The following MECOM variants were observed in gnomAD, a reference collection of about 807,000 sequenced individuals.
MECOM encodes the protein MDS1 and EVI1 complex locus, also known as histone-lysine N-methyltransferase MECOM.
In MECOM, 13 loss-of-function variants were observed where a neutral mutation model predicts 116.3. That is an observed-to-expected ratio of 0.11 (90% confidence interval 0.07 to 0.18). The LOEUF (loss-of-function observed/expected upper bound fraction) is 0.18. Among genes scored for constraint, MECOM ranks in the 10% least tolerant of loss-of-function variants. The pLI is 1.00. For synonymous variants in MECOM, 528 were observed against 535.2 expected (o/e 0.99, Z 0.19); for missense variants, 1,299 against 1,509.0 (o/e 0.86, Z 2.31).
intron 3 of MECOM, among the ~76,000 whole-genome samples, chr3:169,143,415 G>A (rs1258763365): frequency 6.6e-6 from 1 of 151,898 alleles, no homozygotes; most frequent in African/African-American, 2.4e-5. Flanking sequence ...AAAACTGAAC[G>A]GTAGGCAGTA....
chr3:169,519,567 C>T lies in MECOM; in HGVS notation c.38-138043G>A, dbSNP rs146189066. On this transcript the variant is annotated intron_variant, in intron 1 of 16. Transcript: ENST00000651503. ...TGTGGTTTGTACTATGTAAAATGCC[C>T]AATTCAGTATCTGGCTCTTGGCAAA... 8.5e-3 allele frequency among the ~76,000 whole-genome samples: 1,294 copies of T among 152,296 alleles called. 7 individuals carry two copies. The highest frequency in any genetic ancestry group is 0.017 in the Middle Eastern group (5 of 294).
chr3:169,494,188 TCA>T (rs1226709055), intron 1 of MECOM, among the ~76,000 whole-genome samples: 2 of 152,172 alleles, frequency 1.3e-5, no homozygotes, highest in Non-Finnish European at 2.9e-5. Flanking sequence ...GGGGACAATC[TCA>T]GTTTTTATTA....
At chr3:169,269,212 AG>A (rs1434654818) in intron 2 of MECOM, 1 of 152,222 alleles carries the variant, frequency 6.6e-6, no homozygotes, top group Admixed American at 6.6e-5. Context: ...TAATACACTG[AG>A]GCATGGAGAC....
rs1018936950 is a variant in MECOM, at chr3:169,130,503, T to C, written c.613+926A>G. 4.3e-5 allele frequency among the ~76,000 whole-genome samples: 5 copies of C among 116,058 alleles called. No individual in the cohort carries two copies. The Admixed American group carries it at 6.1e-4, about 14-fold the overall frequency. 76.1% of individuals were successfully genotyped at this position (116,058 alleles called of 152,430 possible). A position where few individuals can be genotyped will look rare whatever the true frequency, so the allele number is the denominator to read the frequency against. On this transcript the variant is annotated intron_variant, in intron 4 of 16. Coordinates refer to ENST00000651503, the MANE Select transcript of MECOM (RefSeq NM_004991.4). ...CCCCTCCCCCTGCAAATACAACTACTCTTGTATAACCTACAAAGAGGCAGA... is the reference window on the plus strand; with the variant it reads ...CCCCTCCCCCTGCAAATACAACTACCCTTGTATAACCTACAAAGAGGCAGA...
At chr3:169,185,785 C>CATCT (rs769057014) in intron 2 of MECOM, among the ~76,000 whole-genome samples, 3 of 152,174 alleles carry the variant, frequency 2.0e-5, no homozygotes, top group Non-Finnish European at 4.4e-5. Context: ...GTCTAACAAG[C>CATCT]ATCTAATGCC....
intron 1 of MECOM, among the ~76,000 whole-genome samples, chr3:169,594,703 G>T (rs1271617919): frequency 6.6e-6 from 1 of 151,422 alleles, no homozygotes; most frequent in African/African-American, 2.4e-5. Flanking sequence ...CCATCTGCAG[G>T]CATTTCACAC....
chr3:169,518,367 C>T (rs773560588), intron 1 of MECOM, among the ~76,000 whole-genome samples: 1 of 152,056 alleles, frequency 6.6e-6, no homozygotes, highest in Non-Finnish European at 1.5e-5. Context: ...AATAAGATGT[C>T]GGCTAGCCAA....
At chr3:169,169,202 A>T (rs1007093552) in intron 2 of MECOM, among the ~76,000 whole-genome samples, 4 of 152,146 alleles carry the variant, frequency 2.6e-5, no homozygotes, top group African/African-American at 9.7e-5. Context: ...CATTTAGTGT[A>T]GGGAAAATAA....
chr3:169,436,818 T>G (rs981003583), intron 1 of MECOM, among the ~76,000 whole-genome samples: 5 of 152,292 alleles, frequency 3.3e-5, no homozygotes, highest in Admixed American at 6.5e-5. Flanking sequence ...TAAAAATTTT[T>G]GGAAATTTTT....
chr3:169,268,279 A>T lies in MECOM; in HGVS notation c.375+112908T>A, dbSNP rs75979918. On this transcript the variant is annotated intron_variant, in intron 2 of 16. Coordinates refer to ENST00000651503, the MANE Select transcript of MECOM (RefSeq NM_004991.4). The stretch of plus-strand genomic sequence containing the variant: ...TAATATTTAACCAACCTAAACACTC[A>T]GGGGAAAAATGTTATCTGAAATCCA... Among the ~76,000 whole-genome samples the T allele has an allele frequency of 5.4e-3, 827 of 152,286 alleles. 9 individuals are homozygous for T. Among genetic ancestry groups the T allele is most frequent in the African/African-American group, 0.019 (773 of 41,564 alleles).
chr3:169,367,208 C>T (rs1043646562), intron 2 of MECOM, among the ~76,000 whole-genome samples: 2 of 152,062 alleles, frequency 1.3e-5, no homozygotes, highest in Non-Finnish European at 2.9e-5. Context: ...CTGAAAGCAG[C>T]ACCTGCTGGA....
intron 2 of MECOM, among the ~76,000 whole-genome samples, chr3:169,258,233 G>GAAAGAA (rs71300480): frequency 0.094 from 14,265 of 151,688 alleles, 877 homozygotes; most frequent in Non-Finnish European, 0.13. Flanking sequence ...AAAAGGAAAA[G>GAAAGAA]AAAGAAAAAG....
chr3:169,093,782 A>C (rs1012587329), intron 13 of MECOM, among the ~76,000 whole-genome samples: 1 of 152,166 alleles, frequency 6.6e-6, no homozygotes, highest in African/African-American at 2.4e-5. Context: ...ACACTTAAGC[A>C]CTTTATATGT....
At position 169,261,236 on chromosome 3, in the gene MECOM, A is replaced by G. The variant is rs146091182; in HGVS notation, c.376-117404T>C. Reference sequence around the variant, plus strand: ...TAAAAATATTTTTTTCTTTATTAATACATCTAAATTATTTTTCTTTAGTTT... The same window carrying G: ...TAAAAATATTTTTTTCTTTATTAATGCATCTAAATTATTTTTCTTTAGTTT... On this transcript the variant is annotated intron_variant, in intron 2 of 16. Transcript: ENST00000651503. Among the ~76,000 whole-genome samples, 220 of 152,306 alleles carry G rather than the reference A, an allele frequency of 1.4e-3. 1 individual carries two copies. Among genetic ancestry groups the G allele is most frequent in the African/African-American group, 5.2e-3 (215 of 41,566 alleles).
At chr3:169,090,334 T>C in intron 14 of MECOM, 98 bp from the exon 15 acceptor site, 2 of 1,046,214 alleles carry the variant, frequency 1.9e-6, no homozygotes, top group South Asian at 3.2e-5. Context: ...GTTTAGATTT[T>C]CAACACTTAA....
At chr3:169,378,460 A>AGAAAGAAG (rs1731591866) in intron 2 of MECOM, among the ~76,000 whole-genome samples, 3 of 45,862 alleles carry the variant, frequency 6.5e-5, no homozygotes, top group Non-Finnish European at 7.5e-5. Context: ...AAGGAAAGCA[A>AGAAAGAAG]GCAAGCAAGC....
At chr3:169,237,389 G>T (rs1480572443) in intron 2 of MECOM, among the ~76,000 whole-genome samples, 2 of 152,082 alleles carry the variant, frequency 1.3e-5, no homozygotes, top group African/African-American at 4.8e-5. Context: ...CTCAGATAAA[G>T]ATTGTGTAAC....
At chr3:169,346,897 T>C (rs1725457580) in intron 2 of MECOM, among the ~76,000 whole-genome samples, 1 of 152,162 alleles carries the variant, frequency 6.6e-6, no homozygotes, top group South Asian at 2.1e-4. Context: ...TTTTGCTCCA[T>C]GTACAGTTAT....
intron 1 of MECOM, among the ~76,000 whole-genome samples, chr3:169,617,853 C>T (rs1034575252): frequency 6.6e-6 from 1 of 152,196 alleles, no homozygotes; most frequent in Admixed American, 6.5e-5. Context: ...AAGAGAGTTT[C>T]AGGCCCTGAA....
Sources: allele counts gnomAD v4.1 joint callset (sites outside exome capture counted in the v4.1 genomes callset), GRCh38; gene constraint gnomAD v4.1.1; transcripts MANE v1.5; gene names NCBI Gene and HGNC (gene_info 2026-07-23, HGNC 2026-07-21).